Variants in UBAC2 observed in about 807,000 individuals in gnomAD.
UBAC2 encodes ubiquitin-associated domain-containing protein 2.
UBAC2 carries 26 observed loss-of-function variants against 44.0 expected under a neutral mutation model. That is an observed-to-expected ratio of 0.59 (90% CI 0.43 to 0.82). The LOEUF is 0.82. Ranked by LOEUF, UBAC2 falls within the 40% of genes least tolerant of loss-of-function variation. The pLI is 0.00. For synonymous variants in UBAC2, 155 were observed against 154.3 expected, an observed-to-expected ratio of 1.00 and a Z score of -0.04; for missense variants, 329 against 419.4, an observed-to-expected ratio of 0.78 and a Z score of 1.88.
intron 6 of UBAC2, among the ~76,000 whole-genome samples, chr13:99,329,855 G>GC (rs1177717997): frequency 1.3e-5 from 2 of 152,112 alleles, no homozygotes; most frequent in Admixed American, 6.5e-5. Flanking sequence ...CCACATTCCT[G>GC]CCCCCACAGA....
rs60331560 is a variant in UBAC2 at position 99,254,678 on chromosome 13, G to A, written c.389+10054G>A. On this transcript the variant is annotated intron_variant, in intron 4 of 8. Coordinates refer to ENST00000403766, the MANE Select transcript of UBAC2 (RefSeq NM_001144072.2). ...AAAGTTAATTATCTGTGTGAACAAG[G>A]CTTGACTAGGAAAGAAAAATCAGAT... 2,113 of 514,834 alleles carry A rather than the reference G, an allele frequency of 4.1e-3. 39 individuals are homozygous for A. The highest frequency in any genetic ancestry group is 0.038 in the African/African-American group (1,969 of 51,574). 31.9% of individuals were successfully genotyped at this position (514,834 alleles called of 1,614,324 possible). A position where few individuals can be genotyped will look rare whatever the true frequency, so the allele number is the denominator to read the frequency against.
intron 6 of UBAC2, among the ~76,000 whole-genome samples, chr13:99,333,289 A>T (rs1380574310): frequency 6.6e-6 from 1 of 152,208 alleles, no homozygotes; most frequent in African/African-American, 2.4e-5. Context: ...CTTTGTGAAA[A>T]TCTAAAACAT....
intron 4 of UBAC2, among the ~76,000 whole-genome samples, chr13:99,274,967 C>T (rs2043864336): frequency 6.6e-6 from 1 of 152,190 alleles, no homozygotes; most frequent in Admixed American, 6.5e-5. Context: ...GTCCTCCCAC[C>T]TCCACCTCCC....
At chr13:99,380,113 C>G (rs2045531489) in intron 8 of UBAC2, among the ~76,000 whole-genome samples, 1 of 152,198 alleles carries the variant, frequency 6.6e-6, no homozygotes, top group Non-Finnish European at 1.5e-5. Context: ...TGCATTTTGA[C>G]TGCAGCCCAT....
intron 4 of UBAC2, among the ~76,000 whole-genome samples, chr13:99,262,402 A>G (rs928389702): frequency 8.5e-5 from 13 of 152,142 alleles, no homozygotes; most frequent in Non-Finnish European, 1.9e-4. Flanking sequence ...GAGGAAGTGC[A>G]TTTCAGAAGA....
intron 4 of UBAC2, among the ~76,000 whole-genome samples, chr13:99,302,641 T>G (rs2044273029): frequency 6.6e-6 from 1 of 152,234 alleles, no homozygotes; most frequent in African/African-American, 2.4e-5. Flanking sequence ...AGCCATCATC[T>G]GAGGGATTAT....
chr13:99,326,905 TG>T (rs1288104774), intron 6 of UBAC2, among the ~76,000 whole-genome samples: 12 of 152,194 alleles, frequency 7.9e-5, no homozygotes, highest in African/African-American at 2.7e-4. Flanking sequence ...AGGGCAATCT[TG>T]GGTATGAAGA....
intron 1 of UBAC2, among the ~76,000 whole-genome samples, chr13:99,209,613 A>G (rs1468878316): frequency 2.0e-5 from 3 of 151,992 alleles, no homozygotes; most frequent in African/African-American, 7.3e-5. Flanking sequence ...TTGGGGACAC[A>G]CTCTTCCCCA....
intron 8 of UBAC2, among the ~76,000 whole-genome samples, chr13:99,368,460 AAAG>A (rs2045360643): frequency 6.6e-6 from 1 of 152,256 alleles, no homozygotes; most frequent in Non-Finnish European, 1.5e-5. Flanking sequence ...GAAGAAACAA[AAAG>A]AACTGCAAAC....
intron 4 of UBAC2, among the ~76,000 whole-genome samples, chr13:99,267,714 A>T (rs2138658343): frequency 6.6e-6 from 1 of 152,310 alleles, no homozygotes; most frequent in South Asian, 2.1e-4. Context: ...TTTTTGTAGC[A>T]TTCTTGGTCC....
chr13:99,343,835 CGT>C (rs1387183367), intron 7 of UBAC2, among the ~76,000 whole-genome samples: 2 of 152,146 alleles, frequency 1.3e-5, no homozygotes, highest in Non-Finnish European at 2.9e-5. Context: ...AATTATCTGC[CGT>C]ATTTGTGTGC....
chr13:99,300,002 A>G (rs1201546954), intron 4 of UBAC2, among the ~76,000 whole-genome samples: 2 of 152,176 alleles, frequency 1.3e-5, no homozygotes, highest in Admixed American at 1.3e-4. Flanking sequence ...TGCTGCCCTT[A>G]AAGAACTGAG....
intron 4 of UBAC2, among the ~76,000 whole-genome samples, chr13:99,281,002 A>G (rs765760828): frequency 3.3e-5 from 5 of 152,142 alleles, no homozygotes; most frequent in Non-Finnish European, 5.9e-5. Flanking sequence ...CGTGGCCAAC[A>G]TAGTGAAACT....
Position 99,329,352 on chromosome 13 carries a change from T to G in UBAC2, c.562-10968T>G, listed in dbSNP as rs142924074. Among the ~76,000 whole-genome samples, 15 of 152,348 alleles carry G rather than the reference T, an allele frequency of 9.8e-5. No individual in the cohort carries two copies. The East Asian group carries it at 2.9e-3, about 29-fold the overall frequency. ...AAGGGGAAAAGAGTTAAGATTTTGC[T>G]TGTAATTGCGTTGAAACTTTAGATC... On this transcript the variant is annotated intron_variant, in intron 6 of 8. Coordinates refer to ENST00000403766, the MANE Select transcript of UBAC2 (RefSeq NM_001144072.2).
At chr13:99,201,201 T>C in intron 1 of UBAC2, 1 of 1,405,008 alleles carries the variant, frequency 7.1e-7, no homozygotes, top group Admixed American at 3.0e-5. Flanking sequence ...TGCCCAGGAG[T>C]CTCTTGGGGC....
rs184817900 is a variant in UBAC2, at chr13:99,381,604, T to C, written c.928-3624T>C. On this transcript the variant is annotated intron_variant, in intron 8 of 8. Transcript: ENST00000403766. ...GCCAGCTCCCGTTTGGCCTGAGTTATCTCCACCAATGACAATGGTCCTTAA... is the reference window on the plus strand; with the variant it reads ...GCCAGCTCCCGTTTGGCCTGAGTTACCTCCACCAATGACAATGGTCCTTAA... 2.6e-3 allele frequency among the ~76,000 whole-genome samples: 403 copies of C among 152,320 alleles called. 2 individuals carry two copies. The highest frequency in any genetic ancestry group is 4.5e-3 in the Non-Finnish European group (306 of 68,030).
intron 8 of UBAC2, among the ~76,000 whole-genome samples, chr13:99,383,542 G>A (rs1215684896): frequency 4.6e-5 from 7 of 152,236 alleles, no homozygotes; most frequent in African/African-American, 1.2e-4. Context: ...CAGGTGCTGG[G>A]CATCTTGCTG....
At chr13:99,383,418 A>G (rs1566532826) in intron 8 of UBAC2, among the ~76,000 whole-genome samples, 2 of 152,106 alleles carry the variant, frequency 1.3e-5, no homozygotes, top group East Asian at 3.9e-4. Context: ...TTTTTTATCT[A>G]CGACACTCTC....
At chr13:99,271,320 C>T (rs972700633) in intron 4 of UBAC2, among the ~76,000 whole-genome samples, 4 of 152,086 alleles carry the variant, frequency 2.6e-5, no homozygotes, top group Non-Finnish European at 5.9e-5. Context: ...AAGGTGTGAG[C>T]TATGTGGAGA....
Sources: gnomAD v4.1 joint callset for allele counts (sites outside exome capture counted in the v4.1 genomes callset) on GRCh38, gnomAD v4.1.1 for gene constraint, MANE v1.5 for transcripts, NCBI Gene and HGNC (gene_info 2026-07-23, HGNC 2026-07-21) for gene names.